The following KCNH1 variants were observed in gnomAD, a reference collection of about 807,000 sequenced individuals.
The protein encoded by KCNH1 is voltage-gated delayed rectifier potassium channel KCNH1.
A neutral mutation model predicts 69.2 loss-of-function variants in KCNH1; 27 were observed. The ratio of observed to expected loss-of-function variants is 0.39; its 90% CI spans 0.29 to 0.54. The LOEUF is 0.54. Among genes scored for constraint, KCNH1 ranks in the 20% least tolerant of loss-of-function variants. The pLI is 0.68. For synonymous variants in KCNH1, 456 were observed against 487.7 expected (o/e 0.93, Z 0.86); for missense variants, 798 against 1,261.6 (o/e 0.63, Z 5.57).
chr1:210,767,997 T>A (rs1353444035), intron 10 of KCNH1, among the ~76,000 whole-genome samples: 1 of 152,196 alleles, frequency 6.6e-6, no homozygotes, highest in East Asian at 1.9e-4. Context: ...GAGCCATTCT[T>A]CACCAAACCT....
At chr1:211,080,997 C>T (rs1253763477) in intron 5 of KCNH1, among the ~76,000 whole-genome samples, 1 of 152,098 alleles carries the variant, frequency 6.6e-6, no homozygotes, top group East Asian at 1.9e-4. Context: ...AGCTTCTGCA[C>T]AGCAAAAGAA....
intron 8 of KCNH1, among the ~76,000 whole-genome samples, chr1:210,803,333 C>T (rs1298591285): frequency 6.6e-6 from 1 of 152,114 alleles, no homozygotes; most frequent in African/African-American, 2.4e-5. Flanking sequence ...AACTCCTGAC[C>T]TCAAGTGATC....
chr1:210,684,155 A>T lies in KCNH1; in HGVS notation c.2113-17T>A. 6.7e-7 allele frequency: 1 copy of T among 1,499,218 alleles called. No individual in the cohort carries two copies. 92.9% of individuals were successfully genotyped at this position (1,499,218 alleles called of 1,614,324 possible). A position where few individuals can be genotyped will look rare whatever the true frequency, so the allele number is the denominator to read the frequency against. On this transcript the variant is annotated splice_polypyrimidine_tract_variant and intron_variant, in intron 10 of 10. Transcript: ENST00000271751. ...GAACACAATCTGGAGAGAGAGAGAG[A>T]GAGAATGACATGGCGTGTTAGCCAC...
At chr1:210,966,195 A>C (rs1280498637) in intron 6 of KCNH1, among the ~76,000 whole-genome samples, 11 of 152,218 alleles carry the variant, frequency 7.2e-5, no homozygotes, top group Admixed American at 7.2e-4. Flanking sequence ...AGAAAACTGA[A>C]ACTGAACCCC....
intron 5 of KCNH1, among the ~76,000 whole-genome samples, chr1:211,035,946 C>T (rs1047267970): frequency 6.6e-6 from 1 of 152,204 alleles, no homozygotes; most frequent in Admixed American, 6.5e-5. Context: ...ACTAGAAAGA[C>T]AGGTGACAGC....
intron 10 of KCNH1, among the ~76,000 whole-genome samples, chr1:210,754,402 T>C (rs1043520824): frequency 1.3e-5 from 2 of 152,128 alleles, no homozygotes; most frequent in Non-Finnish European, 2.9e-5. Context: ...TAATCACTGA[T>C]AGGAGGAAAT....
chr1:211,038,949 C>G (rs954976507), intron 5 of KCNH1, among the ~76,000 whole-genome samples: 1 of 152,174 alleles, frequency 6.6e-6, no homozygotes, highest in Non-Finnish European at 1.5e-5. Context: ...GCATAAGTAG[C>G]AAGGAACCTA....
intron 7 of KCNH1, among the ~76,000 whole-genome samples, chr1:210,877,531 C>G (rs1686404205): frequency 6.6e-6 from 1 of 152,202 alleles, no homozygotes; most frequent in African/African-American, 2.4e-5. Context: ...AGCAACATTA[C>G]TGACAATGAT....
intron 6 of KCNH1, among the ~76,000 whole-genome samples, chr1:210,949,431 T>C (rs1436360045): frequency 6.6e-6 from 1 of 152,224 alleles, no homozygotes; most frequent in African/African-American, 2.4e-5. Flanking sequence ...GAAGTCTTCC[T>C]GCATCCAAAG....
chr1:210,802,234 G>A (rs559474785), intron 8 of KCNH1, among the ~76,000 whole-genome samples: 2 of 152,330 alleles, frequency 1.3e-5, no homozygotes, highest in African/African-American at 4.8e-5. Flanking sequence ...CCAAAGTAAT[G>A]TTCAAGTTGA....
Position 210,968,694 on chromosome 1 carries a change from C to T in KCNH1, c.1033-48625G>A, listed in dbSNP as rs372719368. ...TAGAGAAGTGTCTGTTCATGTCCTT[C>T]GCCCACTTTTTGATGGGGTTGTTTG... is the stretch of plus-strand genomic sequence containing the variant. On this transcript the variant is annotated intron_variant, in intron 6 of 10. Transcript: ENST00000271751. Among the ~76,000 whole-genome samples the T allele has an allele frequency of 1.4e-3, 206 of 151,950 alleles. 1 individual carries two copies. Among genetic ancestry groups the T allele is most frequent in the African/African-American group, 4.2e-3 (176 of 41,418 alleles).
chr1:210,769,958 C>T (rs1373023136), intron 10 of KCNH1, among the ~76,000 whole-genome samples: 1 of 152,126 alleles, frequency 6.6e-6, no homozygotes, highest in East Asian at 1.9e-4. Flanking sequence ...GGTAATGTGT[C>T]ACTTTTTCTT....
chr1:211,014,368 C>T (rs973173455), intron 6 of KCNH1, among the ~76,000 whole-genome samples: 2 of 152,160 alleles, frequency 1.3e-5, no homozygotes, highest in African/African-American at 4.8e-5. Context: ...ATCCTCCGAA[C>T]ATTTTAACTA....
intron 10 of KCNH1, among the ~76,000 whole-genome samples, chr1:210,751,261 G>A (rs1369736073): frequency 2.0e-5 from 3 of 152,138 alleles, no homozygotes; most frequent in African/African-American, 4.8e-5. Context: ...TGAGCTGGAC[G>A]CAAGCTCAGA....
chr1:210,922,840 GTT>G (rs1687493308), intron 6 of KCNH1, among the ~76,000 whole-genome samples: 1 of 152,204 alleles, frequency 6.6e-6, no homozygotes, highest in African/African-American at 2.4e-5. Flanking sequence ...GCAAAGGAGT[GTT>G]TTTGATGACT....
intron 6 of KCNH1, among the ~76,000 whole-genome samples, chr1:210,974,227 T>A (rs1304782345): frequency 6.6e-6 from 1 of 152,202 alleles, no homozygotes; most frequent in Non-Finnish European, 1.5e-5. Context: ...AGCATTTTTA[T>A]CACAAATGGG....
chr1:210,698,785 G>A (rs1052753773), intron 10 of KCNH1, among the ~76,000 whole-genome samples: 5 of 152,178 alleles, frequency 3.3e-5, no homozygotes, highest in Admixed American at 3.3e-4. Context: ...AGCTGGGAAC[G>A]AGACTGTACA....
intron 6 of KCNH1, among the ~76,000 whole-genome samples, chr1:210,960,411 C>T (rs922000295): frequency 4.6e-5 from 7 of 152,148 alleles, no homozygotes. Context: ...TTGTAATCTC[C>T]CATCCTTCAG....
chr1:210,815,483 G>A (rs573801502), intron 7 of KCNH1, among the ~76,000 whole-genome samples: 10 of 152,054 alleles, frequency 6.6e-5, no homozygotes, highest in Non-Finnish European at 1.2e-4. Flanking sequence ...TCCTGCCAGC[G>A]GAACCGAGTA....
Sources: allele counts gnomAD v4.1 joint callset (sites outside exome capture counted in the v4.1 genomes callset), GRCh38; gene constraint gnomAD v4.1.1; transcripts MANE v1.5; gene names NCBI Gene and HGNC (gene_info 2026-07-23, HGNC 2026-07-21).